Variants in GUCY1A2 observed in about 807,000 individuals in gnomAD.
The protein encoded by GUCY1A2 is guanylate cyclase soluble subunit alpha-2.
GUCY1A2 carries 27 observed loss-of-function variants against 63.5 expected under a neutral mutation model. That is an observed-to-expected ratio of 0.43 (90% CI 0.31 to 0.59). GUCY1A2 has a LOEUF of 0.59. Ranked by LOEUF, GUCY1A2 falls within the 20% of genes least tolerant of loss-of-function variation. GUCY1A2 has a pLI of 0.11. For missense variants in GUCY1A2, 768 were observed against 913.3 expected (o/e 0.84, Z 2.05); for synonymous variants, 364 against 343.5 (o/e 1.06, Z -0.66).
intron 6 of GUCY1A2, among the ~76,000 whole-genome samples, chr11:106,739,865 C>T (rs200102779): frequency 7.9e-5 from 12 of 152,174 alleles, no homozygotes; most frequent in East Asian, 5.8e-4. Context: ...TGGGTACAGG[C>T]GAGCTACTTC....
chr11:106,891,028 T>C (rs1009668440), intron 4 of GUCY1A2, among the ~76,000 whole-genome samples: 2 of 152,176 alleles, frequency 1.3e-5, no homozygotes, highest in African/African-American at 2.4e-5. Flanking sequence ...GGTAGAAGTA[T>C]GATTAACATT....
intron 4 of GUCY1A2, among the ~76,000 whole-genome samples, chr11:106,829,807 G>T (rs1859026262): frequency 6.6e-6 from 1 of 152,148 alleles, no homozygotes; most frequent in Non-Finnish European, 1.5e-5. Context: ...GTGTCTTTTA[G>T]TATTACCATG....
chr11:106,851,167 G>T (rs534118571), intron 4 of GUCY1A2, among the ~76,000 whole-genome samples: 1 of 151,256 alleles, frequency 6.6e-6, no homozygotes, highest in African/African-American at 2.4e-5. Flanking sequence ...TAGTTTCTTT[G>T]CCCACTTTTT....
At chr11:106,827,376 C>G in intron 4 of GUCY1A2, 1 of 1,547,902 alleles carries the variant, frequency 6.5e-7, no homozygotes, top group Non-Finnish European at 8.9e-7. Flanking sequence ...CTTTAATGGC[C>G]CAAATCACTT....
intron 3 of GUCY1A2, among the ~76,000 whole-genome samples, chr11:106,944,760 G>A (rs1372701989): frequency 2.0e-5 from 3 of 152,078 alleles, no homozygotes; most frequent in East Asian, 3.9e-4. Context: ...ACTCTGAAAC[G>A]AATTTTTTCA....
At chr11:106,696,063 T>G (rs1862713492) in intron 7 of GUCY1A2, among the ~76,000 whole-genome samples, 1 of 152,162 alleles carries the variant, frequency 6.6e-6, no homozygotes, top group Non-Finnish European at 1.5e-5. Context: ...GTTCATACTC[T>G]GCATACCTGA....
At chr11:106,845,618 G>A (rs1859260024) in intron 4 of GUCY1A2, among the ~76,000 whole-genome samples, 1 of 151,248 alleles carries the variant, frequency 6.6e-6, no homozygotes, top group Non-Finnish European at 1.5e-5. Flanking sequence ...TTTTGTAAAA[G>A]AGATCTCACT....
At chr11:106,906,670 A>G (rs918332029) in intron 4 of GUCY1A2, among the ~76,000 whole-genome samples, 2 of 152,204 alleles carry the variant, frequency 1.3e-5, no homozygotes, top group African/African-American at 4.8e-5. Context: ...ACAATAGCAA[A>G]GACTTGGAAC....
chr11:106,952,860 G>A (rs560348011), intron 3 of GUCY1A2, among the ~76,000 whole-genome samples: 2 of 151,960 alleles, frequency 1.3e-5, no homozygotes, highest in South Asian at 2.1e-4. Flanking sequence ...GTCTGGTCTC[G>A]AACTCCTGAC....
chr11:106,837,706 T>C (rs560612963), intron 4 of GUCY1A2, among the ~76,000 whole-genome samples: 1 of 152,094 alleles, frequency 6.6e-6, no homozygotes, highest in Non-Finnish European at 1.5e-5. Flanking sequence ...TCTATATAAG[T>C]GAACCCACAC....
chr11:106,742,940 G>T (rs1170960663), intron 6 of GUCY1A2, among the ~76,000 whole-genome samples: 5 of 151,996 alleles, frequency 3.3e-5, no homozygotes, highest in African/African-American at 1.2e-4. Context: ...GTCTTCTTTA[G>T]GTTTTGCTAA....
rs531725921 is a variant in GUCY1A2, at chr11:106,939,450, T to C, written c.1206+10A>G. ...AGTTCCCATCACCATCTCAAGTCCATAGCACTTACCTTGTCTTTATTTTCA... is the reference window on the plus strand; with the variant it reads ...AGTTCCCATCACCATCTCAAGTCCACAGCACTTACCTTGTCTTTATTTTCA... On this transcript the variant is annotated intron_variant, in intron 4 of 7. Coordinates refer to ENST00000526355, the MANE Select transcript of GUCY1A2 (RefSeq NM_000855.3). 5.0e-6 allele frequency: 7 copies of C among 1,408,426 alleles called. No individual in the cohort carries two copies. The highest frequency in any genetic ancestry group is 4.7e-5 in the South Asian group (4 of 84,864). The allele number at this position is 1,408,426 out of a possible 1,614,324, so 87.2% of individuals were successfully genotyped here. A position where few individuals can be genotyped will look rare whatever the true frequency, so the allele number is the denominator to read the frequency against.
chr11:106,758,622 C>G (rs377721473), intron 6 of GUCY1A2, among the ~76,000 whole-genome samples: 13 of 152,272 alleles, frequency 8.5e-5, no homozygotes, highest in African/African-American at 3.1e-4. Flanking sequence ...TGTTGCTATT[C>G]GGCCATCTTG....
At chr11:106,962,981 C>T (rs1351847674) in intron 3 of GUCY1A2, among the ~76,000 whole-genome samples, 6 of 151,998 alleles carry the variant, frequency 3.9e-5, no homozygotes, top group Non-Finnish European at 7.4e-5. Flanking sequence ...AAACAGTTGA[C>T]TTTACACGCC....
In GUCY1A2 at chr11:107,017,795, C is replaced by A. The variant is rs2120229744; in HGVS notation, c.261G>T (p.Leu87=). ...RRVQRRRRVN[L]DSLGESISRL... ...GGCTGATGCTCTCGCCCAGCGAGTC[C>A]AGGTTGACCCGCCTCCGGCGCTGCA... The change falls in exon 1 of 8, where the codon CTG becomes CTT. Residue 87 remains leucine (L), a synonymous_variant. Coordinates refer to ENST00000526355, the MANE Select transcript of GUCY1A2 (RefSeq NM_000855.3). 11 of 1,422,108 alleles carry A rather than the reference C, an allele frequency of 7.7e-6. No homozygotes were observed. Among genetic ancestry groups the A allele is most frequent in the East Asian group, 2.8e-5 (1 of 35,424 alleles). The allele number at this position is 1,422,108 out of a possible 1,614,324, so 88.1% of individuals were successfully genotyped here. A position where few individuals can be genotyped will look rare whatever the true frequency, so the allele number is the denominator to read the frequency against.
At chr11:107,012,121 A>T (rs1861754409) in intron 1 of GUCY1A2, among the ~76,000 whole-genome samples, 1 of 152,168 alleles carries the variant, frequency 6.6e-6, no homozygotes, top group Admixed American at 6.5e-5. Flanking sequence ...CAGTAATCTG[A>T]TGGAAATGTT....
Position 107,018,066 on chromosome 11 carries a change from G to C in GUCY1A2, c.-11C>G, listed in dbSNP as rs1861853122. Reference sequence around the variant, plus strand: ...CTTCCTTCGAGACATGCTGCCGGCGGAGCTGCAGCGGCCGAGGCGGTGGCG... The same window carrying C: ...CTTCCTTCGAGACATGCTGCCGGCGCAGCTGCAGCGGCCGAGGCGGTGGCG... On this transcript the variant is annotated 5_prime_UTR_variant, in exon 1 of 8. Coordinates refer to ENST00000526355, the MANE Select transcript of GUCY1A2 (RefSeq NM_000855.3). 1.4e-6 allele frequency: 2 copies of C among 1,437,860 alleles called. No individual in the cohort carries two copies. Among genetic ancestry groups the C allele is most frequent in the Non-Finnish European group, 1.8e-6 (2 of 1,082,656 alleles). The allele number at this position is 1,437,860 out of a possible 1,614,324, so 89.1% of individuals were successfully genotyped here.
At chr11:106,886,445 A>T (rs1434383644) in intron 4 of GUCY1A2, among the ~76,000 whole-genome samples, 2 of 152,126 alleles carry the variant, frequency 1.3e-5, no homozygotes, top group East Asian at 3.9e-4. Flanking sequence ...AAAGAAATAC[A>T]AACTTCTGTT....
At chr11:106,722,527 G>T (rs946358596) in intron 6 of GUCY1A2, among the ~76,000 whole-genome samples, 5 of 151,866 alleles carry the variant, frequency 3.3e-5, no homozygotes, top group African/African-American at 9.7e-5. Context: ...CAAAATAAAA[G>T]AATAATAGAA....
Sources: allele counts gnomAD v4.1 joint callset (sites outside exome capture counted in the v4.1 genomes callset), GRCh38; gene constraint gnomAD v4.1.1; transcripts MANE v1.5; gene names NCBI Gene and HGNC (gene_info 2026-07-23, HGNC 2026-07-21).